NTRK2: variants seen among roughly 807,000 people sequenced by gnomAD.
NTRK2 encodes the protein neurotrophic receptor tyrosine kinase 2.
A neutral mutation model predicts 94.5 loss-of-function variants in NTRK2; 13 were observed. That is an observed-to-expected ratio of 0.14 (90% CI 0.09 to 0.22). The LOEUF (loss-of-function observed/expected upper bound fraction) is 0.22. Among genes scored for constraint, NTRK2 ranks in the 10% least tolerant of loss-of-function variants. The probability of loss-of-function intolerance (pLI) is 1.00; values close to 1 mark genes in which losing one functional copy is unlikely to be tolerated. For synonymous variants in NTRK2, 372 were observed against 407.4 expected, an observed-to-expected ratio of 0.91 and a Z score of 1.05; for missense variants, 639 against 1,071.2, an observed-to-expected ratio of 0.60 and a Z score of 5.63.
chr9:84,899,198 T>C (rs1337116498), intron 14 of NTRK2, among the ~76,000 whole-genome samples: 1 of 152,238 alleles, frequency 6.6e-6, no homozygotes, highest in Admixed American at 6.5e-5. Flanking sequence ...ACATGAAATA[T>C]GTGTTTATTT....
chr9:84,790,127 T>A (rs528857749), intron 12 of NTRK2, among the ~76,000 whole-genome samples: 1 of 152,266 alleles, frequency 6.6e-6, no homozygotes, highest in South Asian at 2.1e-4. Flanking sequence ...ATCTAAGTGG[T>A]CTATATGCCA....
intron 14 of NTRK2, among the ~76,000 whole-genome samples, chr9:84,928,216 C>T (rs2132660795): frequency 6.6e-6 from 1 of 152,272 alleles, no homozygotes; most frequent in African/African-American, 2.4e-5. Context: ...TTCTATCTTT[C>T]ACACAAATTT....
intron 12 of NTRK2, among the ~76,000 whole-genome samples, chr9:84,849,318 T>C (rs188854884): frequency 6.6e-6 from 1 of 152,244 alleles, no homozygotes; most frequent in Non-Finnish European, 1.5e-5. Context: ...GGACTGACTA[T>C]TCAATTTTCT....
intron 12 of NTRK2, chr9:84,813,138 G>A (rs1172164025): frequency 3.8e-6 from 4 of 1,041,454 alleles, no homozygotes; most frequent in African/African-American, 3.4e-5. Context: ...TGCTGAAATC[G>A]GGCCTGTCAC....
intron 14 of NTRK2, among the ~76,000 whole-genome samples, chr9:84,880,713 C>A (rs1462024875): frequency 6.6e-6 from 1 of 152,176 alleles, no homozygotes; most frequent in Non-Finnish European, 1.5e-5. Context: ...TCATATAAGT[C>A]TTTTAATGGA....
At position 84,888,611 on chromosome 9, in the gene NTRK2, C is replaced by CAAAAAAAAAAAAA. The variant is rs71369158; in HGVS notation, c.1633+21206_1633+21218dup. 2.7e-4 allele frequency among the ~76,000 whole-genome samples: 9 copies of CAAAAAAAAAAAAA among 33,848 alleles called. 2 individuals carry two copies. Among genetic ancestry groups the CAAAAAAAAAAAAA allele is most frequent in the Non-Finnish European group, 2.8e-4 (6 of 21,618 alleles). 22.2% of individuals were successfully genotyped at this position (33,848 alleles called of 152,430 possible). A position where few individuals can be genotyped will look rare whatever the true frequency, so the allele number is the denominator to read the frequency against. ...CTGGCGACAGAGCAACACTCCATCT[C>CAAAAAAAAAAAAA]AAAAAAAAAAAAAAAAAAAAAAAAA... On this transcript the variant is annotated intron_variant, in intron 14 of 18. Coordinates refer to ENST00000277120, the MANE Select transcript of NTRK2 (RefSeq NM_006180.6).
chr9:84,955,269 A>G lies in NTRK2; in HGVS notation c.1938-14A>G, dbSNP rs750625676. ...GCTGAGGCCCCCAGCTTCATTCTCC[A>G]TGTCCTTCCCCAGGGCACACGGCCC... On this transcript the variant is annotated splice_polypyrimidine_tract_variant and intron_variant, in intron 16 of 18. Transcript: ENST00000277120. 1 of 1,584,020 alleles carries G rather than the reference A, an allele frequency of 6.3e-7. No homozygotes were observed. The highest frequency in any genetic ancestry group is 1.1e-5 in the South Asian group (1 of 87,396).
chr9:85,010,151 T>C (rs1564547836), intron 17 of NTRK2, among the ~76,000 whole-genome samples: 1 of 152,234 alleles, frequency 6.6e-6, no homozygotes, highest in Non-Finnish European at 1.5e-5. Flanking sequence ...TTTGCTTTTC[T>C]GGCTCTGTTT....
intron 12 of NTRK2, among the ~76,000 whole-genome samples, chr9:84,823,210 T>C (rs183206384): frequency 2.0e-4 from 31 of 152,334 alleles, no homozygotes; most frequent in Non-Finnish European, 3.2e-4. Context: ...CATCTGAAAC[T>C]AAGACCTGTT....
intron 17 of NTRK2, among the ~76,000 whole-genome samples, chr9:84,989,264 T>G (rs1828750839): frequency 1.3e-5 from 2 of 152,338 alleles, no homozygotes; most frequent in South Asian, 4.1e-4. Flanking sequence ...GAAAATTATC[T>G]CTTTATATTC....
chr9:84,893,550 C>T (rs1009695221), intron 14 of NTRK2, among the ~76,000 whole-genome samples: 2 of 152,062 alleles, frequency 1.3e-5, no homozygotes, highest in African/African-American at 4.8e-5. Context: ...TGCAGGGCAG[C>T]GTGTGACAGA....
intron 14 of NTRK2, among the ~76,000 whole-genome samples, chr9:84,903,560 A>G (rs892447232): frequency 2.0e-5 from 3 of 152,212 alleles, no homozygotes; most frequent in East Asian, 3.8e-4. Context: ...GTTCTTTTCA[A>G]TAGGAAAGGA....
chr9:84,673,448 T>C (rs2058827807), intron 2 of NTRK2, among the ~76,000 whole-genome samples: 1 of 152,232 alleles, frequency 6.6e-6, no homozygotes. Context: ...TGTTGTAAAG[T>C]TCTGGTTTAG....
chr9:85,010,443 G>A (rs181160856), intron 17 of NTRK2, among the ~76,000 whole-genome samples: 215 of 152,276 alleles, frequency 1.4e-3, no homozygotes, highest in South Asian at 2.3e-3. Flanking sequence ...TGCTCAGGAG[G>A]CCATGAAAAG....
At chr9:84,864,946 G>A (rs537690253) in intron 13 of NTRK2, among the ~76,000 whole-genome samples, 16 of 151,756 alleles carry the variant, frequency 1.1e-4, no homozygotes, top group Admixed American at 2.0e-4. Context: ...TCACCATGGC[G>A]GCCAGGCTGG....
At chr9:84,748,654 C>A (rs1477400822) in intron 11 of NTRK2, among the ~76,000 whole-genome samples, 1 of 152,186 alleles carries the variant, frequency 6.6e-6, no homozygotes, top group Non-Finnish European at 1.5e-5. Context: ...CAGGCCAAGT[C>A]ATCTAACCTC....
intron 14 of NTRK2, among the ~76,000 whole-genome samples, chr9:84,895,751 C>A (rs2076739608): frequency 6.6e-6 from 1 of 152,300 alleles, no homozygotes; most frequent in East Asian, 1.9e-4. Context: ...GCAGGATCTC[C>A]TCCCTTCTCC....
chr9:84,718,692 A>G (rs1187451081), intron 6 of NTRK2, among the ~76,000 whole-genome samples: 1 of 152,148 alleles, frequency 6.6e-6, no homozygotes, highest in Admixed American at 6.5e-5. Flanking sequence ...GCTCTTGGAA[A>G]CGTTGCTGGG....
intron 14 of NTRK2, among the ~76,000 whole-genome samples, chr9:84,889,081 C>T (rs1270916778): frequency 6.9e-6 from 1 of 145,472 alleles, no homozygotes; most frequent in African/African-American, 2.6e-5. Context: ...AGCTCCGCCT[C>T]CCGGGTTCAC....
Sources: gnomAD v4.1 joint callset for allele counts (sites outside exome capture counted in the v4.1 genomes callset) on GRCh38, gnomAD v4.1.1 for gene constraint, MANE v1.5 for transcripts, NCBI Gene and HGNC (gene_info 2026-07-23, HGNC 2026-07-21) for gene names.